Variants in IRAG2 observed in about 807,000 individuals in gnomAD.
The protein encoded by IRAG2 is lymphoid restricted membrane protein.
In IRAG2, 45 loss-of-function variants were observed where a neutral mutation model predicts 69.9. That is an observed-to-expected ratio of 0.64 (90% CI 0.51 to 0.83). The LOEUF (loss-of-function observed/expected upper bound fraction) is 0.83, where lower values mean the gene tolerates loss of function less well. Ranked by LOEUF, IRAG2 falls within the 40% of genes least tolerant of loss-of-function variation. The pLI is 0.00. For synonymous variants in IRAG2, 193 were observed against 202.4 expected, an observed-to-expected ratio of 0.95 and a Z score of 0.40; for missense variants, 520 against 587.0, an observed-to-expected ratio of 0.89 and a Z score of 1.18.
At chr12:25,091,865 T>C (rs1311767440) in intron 14 of IRAG2, among the ~76,000 whole-genome samples, 3 of 152,186 alleles carry the variant, frequency 2.0e-5, no homozygotes, top group Non-Finnish European at 2.9e-5. Flanking sequence ...GATAATGATA[T>C]TGTGCATCTT....
At chr12:25,068,705 A>G (rs1946141733) in intron 5 of IRAG2, among the ~76,000 whole-genome samples, 1 of 152,018 alleles carries the variant, frequency 6.6e-6, no homozygotes, top group African/African-American at 2.4e-5. Flanking sequence ...CGCGTCAAAC[A>G]CTCCTATCAC....
chr12:25,065,727 T>C (rs898825447), intron 4 of IRAG2, among the ~76,000 whole-genome samples: 9 of 152,254 alleles, frequency 5.9e-5, no homozygotes, highest in Non-Finnish European at 1.3e-4. Flanking sequence ...TGTCATTTAG[T>C]GGCACGAACA....
intron 1 of IRAG2, among the ~76,000 whole-genome samples, chr12:25,054,946 G>C (rs556977668): frequency 5.9e-5 from 9 of 152,150 alleles, no homozygotes; most frequent in African/African-American, 2.2e-4. Context: ...CGCACATCCC[G>C]CCATGACCAC....
At chr12:25,042,164 G>A (rs1183467682) in intron 16 of IRAG2, among the ~76,000 whole-genome samples, 2 of 152,066 alleles carry the variant, frequency 1.3e-5, no homozygotes, top group African/African-American at 2.4e-5. Context: ...ATTTTTGAGG[G>A]TGGATCTGAT....
At position 25,079,741 on chromosome 12, in the gene IRAG2, T is replaced by C. The variant is rs776731116; in HGVS notation, c.222T>C (p.Ala74=). ...AGAAAGAGGAGGATACAAGATCAGC[T>C]TCTCCCACGATAGAGGCCCAAGGTA... The part of the protein sequence containing the change: ...LCKKEEDTRS[A]SPTIEAQGTS... The change falls in exon 9 of 22, where the codon GCT becomes GCC. Residue 74 remains alanine, a synonymous_variant. Coordinates refer to ENST00000556887, the MANE Select transcript of IRAG2 (RefSeq NM_001366544.2). The C allele has an allele frequency of 6.2e-7, 1 of 1,613,570 alleles. No individual in the cohort carries two copies. Among genetic ancestry groups the C allele is most frequent in the Non-Finnish European group, 8.5e-7 (1 of 1,179,480 alleles).
chr12:25,106,213 T>C (rs918317780), intron 20 of IRAG2, among the ~76,000 whole-genome samples: 1 of 151,692 alleles, frequency 6.6e-6, no homozygotes, highest in Non-Finnish European at 1.5e-5. Flanking sequence ...TGAGAAAAGA[T>C]TTTTACTAAT....
At chr12:25,048,058 G>A (rs1944811602), upstream of IRAG2, among the ~76,000 whole-genome samples, 1 of 152,260 alleles carries the variant, frequency 6.6e-6, no homozygotes, top group East Asian at 1.9e-4. Flanking sequence ...CCACAATGGA[G>A]GAACTAATTT....
intron 6 of IRAG2, among the ~76,000 whole-genome samples, chr12:25,073,876 A>G (rs1256140584): frequency 6.6e-6 from 1 of 152,246 alleles, no homozygotes; most frequent in African/African-American, 2.4e-5. Context: ...AGAGTTTGAA[A>G]CAAGATTGGC....
chr12:25,053,019 A>T (rs1331254207), intron 1 of IRAG2, 63 bp downstream of exon 1: 1 of 397,952 alleles, frequency 2.5e-6, no homozygotes, highest in Admixed American at 4.4e-5. Context: ...GCATAGGACT[A>T]CAGACATTTT....
upstream of IRAG2, among the ~76,000 whole-genome samples, chr12:25,002,362 G>T (rs1201061879): frequency 6.6e-6 from 1 of 152,314 alleles, no homozygotes; most frequent in East Asian, 1.9e-4. Context: ...TAGATTATCA[G>T]TTGTGCCAAC....
chr12:25,100,697 T>C (rs1317125607), intron 15 of IRAG2, among the ~76,000 whole-genome samples: 1 of 152,186 alleles, frequency 6.6e-6, no homozygotes, highest in African/African-American at 2.4e-5. Flanking sequence ...AACTATCTGT[T>C]CTTTCCCAAT....
At chr12:25,036,202 G>A (rs905158771) in intron 14 of IRAG2, among the ~76,000 whole-genome samples, 2 of 152,186 alleles carry the variant, frequency 1.3e-5, no homozygotes, top group Non-Finnish European at 2.9e-5. Flanking sequence ...GGTATTGCCA[G>A]TCCCTTTCAT....
intron 6 of IRAG2, among the ~76,000 whole-genome samples, chr12:25,018,223 G>A (rs566888996): frequency 1.7e-4 from 24 of 139,060 alleles, no homozygotes; most frequent in Non-Finnish European, 2.9e-4. Flanking sequence ...TGGAGACAGG[G>A]TGTCACTTTG....
At chr12:25,056,226 G>A (rs894079447) in intron 1 of IRAG2, among the ~76,000 whole-genome samples, 4 of 152,144 alleles carry the variant, frequency 2.6e-5, no homozygotes, top group Admixed American at 1.3e-4. Context: ...TAAGCAGTCA[G>A]TAAACAGGAG....
At chr12:25,001,802 C>T (rs1282223532), upstream of IRAG2, among the ~76,000 whole-genome samples, 1 of 147,814 alleles carries the variant, frequency 6.8e-6, no homozygotes, top group Non-Finnish European at 1.5e-5. Context: ...CAGAGTCTCG[C>T]TCTGTCACCC....
At chr12:25,027,176 A>G (rs1318469173) in intron 9 of IRAG2, among the ~76,000 whole-genome samples, 1 of 151,876 alleles carries the variant, frequency 6.6e-6, no homozygotes, top group Admixed American at 6.6e-5. Context: ...CATTCTCATC[A>G]CCCTGAAAGA....
intron 3 of IRAG2, chr12:25,015,140 T>C (rs1944514697): frequency 2.6e-6 from 2 of 779,192 alleles, no homozygotes; most frequent in Non-Finnish European, 3.2e-6. Flanking sequence ...CAAAGAATCC[T>C]AGCTCACTGG....
At chr12:25,011,830 A>T (rs762524884) in intron 3 of IRAG2, among the ~76,000 whole-genome samples, 3 of 152,176 alleles carry the variant, frequency 2.0e-5, no homozygotes, top group Non-Finnish European at 4.4e-5. Context: ...GCTGTCATTC[A>T]TTTCTTGTGA....
intron 2 of IRAG2, among the ~76,000 whole-genome samples, chr12:25,008,555 A>G (rs1419791511): frequency 3.3e-5 from 5 of 152,092 alleles, no homozygotes; most frequent in Non-Finnish European, 7.4e-5. Context: ...CCTAGCCAAC[A>G]TGGTGAAACC....
Sources: gnomAD v4.1 joint callset for allele counts (sites outside exome capture counted in the v4.1 genomes callset) on GRCh38, gnomAD v4.1.1 for gene constraint, MANE v1.5 for transcripts, NCBI Gene and HGNC (gene_info 2026-07-23, HGNC 2026-07-21) for gene names.